The following CDC42BPG variants were observed in gnomAD, a reference collection of about 807,000 sequenced individuals.
CDC42BPG encodes CDC42 binding protein kinase gamma, also known as serine/threonine-protein kinase MRCK gamma.
In CDC42BPG, 157 loss-of-function variants were observed where a neutral mutation model predicts 192.2. That is an observed-to-expected ratio of 0.82 (90% confidence interval 0.72 to 0.93). The LOEUF (loss-of-function observed/expected upper bound fraction) is 0.93. CDC42BPG is among the 40% of genes least tolerant of loss of function. The pLI is 0.00. For synonymous variants in CDC42BPG, 981 were observed against 918.5 expected, an observed-to-expected ratio of 1.07 and a Z score of -1.23; for missense variants, 1,992 against 2,122.1, an observed-to-expected ratio of 0.94 and a Z score of 1.20.
intron 17 of CDC42BPG, 25 bp downstream of exon 17, chr11:64,835,022 A>AC: frequency 1.5e-6 from 1 of 674,386 alleles, no homozygotes; most frequent in Non-Finnish European, 2.4e-6. Context: ...TGCGTTCCCC[A>AC]CCCCGACCCA....
At chr11:64,839,945 A>T (rs1943204916) in intron 5 of CDC42BPG, among the ~76,000 whole-genome samples, 175 bp downstream of exon 5, 1 of 152,192 alleles carries the variant, frequency 6.6e-6, no homozygotes, top group Admixed American at 6.5e-5. Flanking sequence ...ACACAGCAGC[A>T]GCCCCTGCCA....
chr11:64,833,454 C>G (rs1258658950), intron 23 of CDC42BPG, 118 bp from the exon 24 acceptor site: 2 of 974,070 alleles, frequency 2.1e-6, no homozygotes, highest in African/African-American at 1.6e-5. Context: ...CCCAGCCAAT[C>G]TATGGCGGCA....
chr11:64,833,552 G>A (rs926584238), intron 23 of CDC42BPG, 48 bp downstream of exon 23: 4 of 1,538,770 alleles, frequency 2.6e-6, no homozygotes, highest in Non-Finnish European at 3.5e-6. Flanking sequence ...ATTCAGCCTG[G>A]CAGAACTGCT....
Position 64,827,146 on chromosome 11 carries a change from A to G in CDC42BPG, c.4293T>C (p.Phe1431=). The change falls in exon 34 of 37, where the codon TTT becomes TTC. Residue 1431 remains phenylalanine (F), a synonymous_variant. Coordinates refer to ENST00000342711, the MANE Select transcript of CDC42BPG (RefSeq NM_017525.3). ...QQRREMLKDP[F]VRSKLISPPT... ...GCGGCGAGATGAGCTTGGAGCGCAC[A>G]AAAGGGTCCTTCAGCATCTCCCTGT... 3 of 1,614,022 alleles carry G rather than the reference A, an allele frequency of 1.9e-6. No homozygotes were observed. The highest frequency in any genetic ancestry group is 2.2e-5 in the East Asian group (1 of 44,876).
chr11:64,832,972 T>G lies in CDC42BPG; in HGVS notation c.2732-13A>C. On this transcript the variant is annotated splice_polypyrimidine_tract_variant and intron_variant, in intron 24 of 36. Coordinates refer to ENST00000342711, the MANE Select transcript of CDC42BPG (RefSeq NM_017525.3). ...AAGTAGCCGCAGGCTGTGGGGAAAG[T>G]GGAGAAGGTGGATGAGGTGAGGCTG... 6.6e-7 allele frequency: 1 copy of G among 1,516,472 alleles called. No individual in the cohort carries two copies. Among genetic ancestry groups the G allele is most frequent in the South Asian group, 1.3e-5 (1 of 77,772 alleles). The allele number at this position is 1,516,472 out of a possible 1,614,324, so 93.9% of individuals were successfully genotyped here.
chr11:64,827,305 G>C lies in CDC42BPG; in HGVS notation c.4244C>G (p.Ser1415Trp), dbSNP rs1234470715. 1.9e-6 allele frequency: 3 copies of C among 1,613,864 alleles called. No homozygotes were observed. The highest frequency in any genetic ancestry group is 1.7e-5 in the Admixed American group (1 of 60,018). Residue 1415 changes from serine (S) to tryptophan (W), a missense_variant, in exon 33 of 37, where the codon TCG (serine) becomes TGG (tryptophan). Ser to Trp is a radical substitution (Grantham distance 177). Around this residue, in one of 2 missense-constraint regions of CDC42BPG, gnomAD observed 336 missense variants for 277.9 expected, o/e 1.21. Coordinates refer to ENST00000342711, the MANE Select transcript of CDC42BPG (RefSeq NM_017525.3). Reference sequence around the variant, plus strand: ...GCGCTGCTGCTTCTGCTGCTCCTCCGACACGCGGAAAAAGAAGCGGCGCTT... The same window carrying C: ...GCGCTGCTGCTTCTGCTGCTCCTCCCACACGCGGAAAAAGAAGCGGCGCTT... ...KSKRRFFFRV[S>W]EEQQKQQRRE...
chr11:64,844,294 G>A (rs1233148513), intron 1 of CDC42BPG, 116 bp downstream of exon 1: 6 of 1,031,860 alleles, frequency 5.8e-6, no homozygotes, highest in South Asian at 2.6e-5. Context: ...CCACTGCAGG[G>A]AGTCTGCGAG....
intron 8 of CDC42BPG, 112 bp from the exon 9 acceptor site, chr11:64,838,274 A>AT: frequency 1.3e-6 from 1 of 780,302 alleles, no homozygotes. Context: ...GTGGGAACTC[A>AT]GGGGGGTAAC....
chr11:64,840,742 T>C (rs7107093), intron 3 of CDC42BPG, 94 bp from the exon 4 acceptor site: 6 of 1,119,218 alleles, frequency 5.4e-6, no homozygotes, highest in Admixed American at 1.9e-5. Flanking sequence ...ATTCTGTGAG[T>C]CTGGGAGCTC....
rs1248769922 is a variant in CDC42BPG at position 64,823,460 on chromosome 11, A to G, written c.*1013T>C. The G allele has an allele frequency of 6.6e-6, 1 of 152,104 alleles. No homozygotes were observed. Among genetic ancestry groups the G allele is most frequent in the Non-Finnish European group, 1.5e-5 (1 of 68,000 alleles). 9.4% of individuals were successfully genotyped at this position (152,104 alleles called of 1,614,324 possible). A position where few individuals can be genotyped will look rare whatever the true frequency, so the allele number is the denominator to read the frequency against. Reference sequence around the variant, plus strand: ...GGGAATGTGGCATTTGAGGAGATAAATACTTATTTTGCCCCCCACACTTCA... The same window carrying G: ...GGGAATGTGGCATTTGAGGAGATAAGTACTTATTTTGCCCCCCACACTTCA... On this transcript the variant is annotated 3_prime_UTR_variant, in exon 37 of 37. Coordinates refer to ENST00000342711, the MANE Select transcript of CDC42BPG (RefSeq NM_017525.3).
In CDC42BPG at chr11:64,826,698, C is replaced by T. The variant is rs1210379157; in HGVS notation, c.4486G>A (p.Glu1496Lys). 5.1e-6 allele frequency: 8 copies of T among 1,556,508 alleles called. No individual in the cohort carries two copies. Among genetic ancestry groups the T allele is most frequent in the Middle Eastern group, 1.7e-4 (1 of 5,750 alleles). The change falls in exon 35 of 37, where the codon GAA becomes AAA. Residue 1496 changes from glutamate (E) to lysine (K), a missense_variant. Around this residue, in one of 2 missense-constraint regions of CDC42BPG, gnomAD observed 336 missense variants for 277.9 expected, o/e 1.21. Transcript: ENST00000342711. ...ALRRPASMGS[E>K]GLGGDADPMK... Reference sequence around the variant, plus strand: ...GGGTCTGCGTCTCCACCGAGGCCTTCGCTGCCCATGGAGGCTGGGCGCCGC... The same window carrying T: ...GGGTCTGCGTCTCCACCGAGGCCTTTGCTGCCCATGGAGGCTGGGCGCCGC...
chr11:64,836,718 G>GGGGGGGGGT, intron 11 of CDC42BPG, 21 bp downstream of exon 11: 1 of 849,758 alleles, frequency 1.2e-6, no homozygotes, highest in Non-Finnish European at 1.7e-6. Flanking sequence ...GGGGGGGGGG[G>GGGGGGGGGT]GGGGTGGGCG....
Position 64,834,293 on chromosome 11 carries a change from C to G in CDC42BPG, c.2386G>C (p.Glu796Gln). ...ALQQELAMLREELRARGPVDT... is the reference protein window; with the variant it reads ...ALQQELAMLRQELRARGPVDT... Reference sequence around the variant, plus strand: ...ACTGGCCCTCGGGCCCGCAGCTCCTCCCGCAGCATGGCGAGCTCCTGTTGC... The same window carrying G: ...ACTGGCCCTCGGGCCCGCAGCTCCTGCCGCAGCATGGCGAGCTCCTGTTGC... The change falls in exon 20 of 37, where the codon GAG becomes CAG. Residue 796 changes from glutamate to glutamine, a missense_variant. By Grantham distance (29) the Glu-to-Gln change is conservative (BLOSUM62 2). This residue lies in a region of CDC42BPG where 1,656 missense variants were observed against 1,844.3 expected (regional missense o/e 0.90). Transcript: ENST00000342711. 1.3e-6 allele frequency: 2 copies of G among 1,579,092 alleles called. No individual in the cohort carries two copies. Among genetic ancestry groups the G allele is most frequent in the East Asian group, 2.3e-5 (1 of 42,720 alleles).
In CDC42BPG at chr11:64,827,801, A is replaced by T. The variant is rs1942505925; in HGVS notation, c.3968-18T>A. On this transcript the variant is annotated intron_variant, in intron 30 of 36. Coordinates refer to ENST00000342711, the MANE Select transcript of CDC42BPG (RefSeq NM_017525.3). Reference sequence around the variant, plus strand: ...CGCATACCCTGCGGGCACGCCAGGCACCTCTGAGCTGTTTCCCCCTCTGTT... The same window carrying T: ...CGCATACCCTGCGGGCACGCCAGGCTCCTCTGAGCTGTTTCCCCCTCTGTT... 6.3e-7 allele frequency: 1 copy of T among 1,580,724 alleles called. No homozygotes were observed. Among genetic ancestry groups the T allele is most frequent in the Admixed American group, 1.8e-5 (1 of 56,734 alleles).
chr11:64,827,240 C>T (rs748966939), intron 33 of CDC42BPG, 38 bp downstream of exon 33: 13 of 1,612,786 alleles, frequency 8.1e-6, no homozygotes, highest in African/African-American at 1.3e-5. Context: ...GCGGAGGCGG[C>T]CCCACCCAGC....
intron 30 of CDC42BPG, among the ~76,000 whole-genome samples, chr11:64,828,565 A>G (rs1267705162): frequency 1.3e-5 from 2 of 152,228 alleles, no homozygotes; most frequent in African/African-American, 4.8e-5. Context: ...TTATCTTTGG[A>G]GCGCCTACCA....
chr11:64,827,818 C>A (rs756972021), intron 30 of CDC42BPG, 35 bp from the exon 31 acceptor site: 4 of 1,547,578 alleles, frequency 2.6e-6, no homozygotes, highest in South Asian at 2.4e-5. Flanking sequence ...AGCTGTTTCC[C>A]CCTCTGTTCC....
Position 64,841,815 on chromosome 11 carries a change from C to T in CDC42BPG, c.250G>A (p.Glu84Lys). ...LKVIGRGAFG[E>K]VTVVRQRDTG... ...CCTACCCCAGGCCCTTTGCTCACCT[C>T]CCCAAAGGCTCCTCGGCCGATCACC... Residue 84 changes from glutamate (E) to lysine (K), a missense_variant and splice_region_variant, in exon 2 of 37, where the codon GAG becomes AAG. Physicochemically the swap from Glu to Lys is moderately conservative, Grantham distance 56. Coordinates refer to ENST00000342711, the MANE Select transcript of CDC42BPG (RefSeq NM_017525.3). 6.2e-7 allele frequency: 1 copy of T among 1,613,902 alleles called. No individual in the cohort carries two copies. Among genetic ancestry groups the T allele is most frequent in the Non-Finnish European group, 8.5e-7 (1 of 1,179,890 alleles).
chr11:64,826,888 G>T, intron 34 of CDC42BPG, 94 bp from the exon 35 acceptor site: 1 of 1,357,902 alleles, frequency 7.4e-7, no homozygotes, highest in Non-Finnish European at 9.9e-7. Flanking sequence ...GAACGCCACT[G>T]GGCCCCCAGC....
Sources: allele counts gnomAD v4.1 joint callset (sites outside exome capture counted in the v4.1 genomes callset), GRCh38; gene constraint gnomAD v4.1.1; regional missense constraint gnomAD v4.1.1; transcripts MANE v1.5; gene names NCBI Gene and HGNC (gene_info 2026-07-23, HGNC 2026-07-21).